The following LRRC4B variants were observed in gnomAD, a reference collection of about 807,000 sequenced individuals.
LRRC4B encodes leucine-rich repeat-containing protein 4B.
Under a neutral mutation model 7.3 loss-of-function variants are expected in LRRC4B, and 1 was observed. The observed-to-expected ratio is 0.14, with a 90% CI of 0.05 to 0.65. The LOEUF is 0.65. Ranked by LOEUF, LRRC4B falls within the 30% of genes least tolerant of loss-of-function variation. The probability of loss-of-function intolerance (pLI) is 0.84; values close to 1 mark genes in which losing one functional copy is unlikely to be tolerated. For missense variants in LRRC4B, 730 were observed against 1,041.6 expected, an observed-to-expected ratio of 0.70 and a Z score of 4.12; for synonymous variants, 500 against 499.2, an observed-to-expected ratio of 1.00 and a Z score of -0.02.
chr19:50,524,676 T>C (rs1030263668), intron 2 of LRRC4B, among the ~76,000 whole-genome samples: 3 of 152,226 alleles, frequency 2.0e-5, no homozygotes, highest in Non-Finnish European at 4.4e-5. Flanking sequence ...ATACTCTCAT[T>C]TGAACCTGTC....
At chr19:50,526,568 C>T (rs1471606340) in intron 2 of LRRC4B, among the ~76,000 whole-genome samples, 3 of 152,056 alleles carry the variant, frequency 2.0e-5, no homozygotes, top group African/African-American at 7.2e-5. Flanking sequence ...GAAGGATAGG[C>T]GCAGTGGCTT....
At position 50,548,689 on chromosome 19, in the gene LRRC4B, G is replaced by A; in HGVS notation, c.150C>T (p.Gly50=). The change falls in exon 2 of 3, where the codon GGC becomes GGT. Residue 50 remains glycine, a synonymous_variant. Coordinates refer to ENST00000652263, the MANE Select transcript of LRRC4B (RefSeq NM_001080457.2). This position sits in a 1 kb window ranked among gnomAD's most constrained non-coding sequence, Gnocchi z 6.8. The part of the protein sequence containing the change: ...GVAVTSAAGG[G]SPPATSCPVA... ...CGGGGCAGGAGGTGGCCGGCGGGGA[G>A]CCCCCTCCGGCGGCAGACGTCACGG... 1 of 1,547,742 alleles carries A rather than the reference G, an allele frequency of 6.5e-7. No homozygotes were observed. The highest frequency in any genetic ancestry group is 1.2e-5 in the South Asian group (1 of 84,606).
At chr19:50,549,660 G>A (rs1981970036) in intron 1 of LRRC4B, among the ~76,000 whole-genome samples, 1 of 152,230 alleles carries the variant, frequency 6.6e-6, no homozygotes, top group Non-Finnish European at 1.5e-5. Context: ...GTGAAGGGAG[G>A]GCTGGGAGGC....
intron 2 of LRRC4B, among the ~76,000 whole-genome samples, chr19:50,527,725 CCTCT>C (rs1456546603): frequency 6.7e-6 from 1 of 148,368 alleles, no homozygotes; most frequent in Non-Finnish European, 1.5e-5. Flanking sequence ...TCCCTCCCTC[CCTCT>C]TTCTCTCTTT....
intron 2 of LRRC4B, among the ~76,000 whole-genome samples, chr19:50,525,927 G>A (rs1274302025): frequency 1.3e-5 from 2 of 152,036 alleles, no homozygotes; most frequent in Non-Finnish European, 2.9e-5. Flanking sequence ...AGGCTGAGGC[G>A]GCAGAATCGT....
chr19:50,543,852 C>CAA (rs36044151), intron 2 of LRRC4B, among the ~76,000 whole-genome samples: 2,479 of 83,134 alleles, frequency 0.03, 90 homozygotes, highest in African/African-American at 0.096. Context: ...GCCTCCATCT[C>CAA]AAAAAAAAAA....
intron 2 of LRRC4B, among the ~76,000 whole-genome samples, chr19:50,530,236 C>T (rs192023733): frequency 1.6e-4 from 24 of 152,306 alleles, no homozygotes; most frequent in African/African-American, 4.8e-4. Context: ...GACCCTGCCT[C>T]TGCCCTCCTC....
chr19:50,546,743 CCCCCCACAAAGAGA>C (rs1981830780), intron 2 of LRRC4B, among the ~76,000 whole-genome samples: 8 of 152,144 alleles, frequency 5.3e-5, no homozygotes, highest in South Asian at 4.1e-4. Flanking sequence ...GCCCCCTCGC[CCCCCCACAAAGAGA>C]AACGGGTCCA....
intron 2 of LRRC4B, among the ~76,000 whole-genome samples, chr19:50,535,110 T>C (rs537811802): frequency 1.4e-4 from 22 of 152,258 alleles, no homozygotes; most frequent in Non-Finnish European, 2.5e-4. Flanking sequence ...CCTCATGATC[T>C]GCCCGCCTTG....
chr19:50,551,850 C>T (rs1051043238), intron 1 of LRRC4B, among the ~76,000 whole-genome samples: 7 of 151,694 alleles, frequency 4.6e-5, no homozygotes, highest in African/African-American at 1.7e-4. Context: ...AGCTGTGCCT[C>T]AGCTCCCTCC....
rs986834413 is a variant in LRRC4B, at chr19:50,518,076, G to A, written c.1637C>T (p.Ser546Leu). The change falls in exon 3 of 3, where the codon TCG becomes TTG. Residue 546 changes from serine to leucine, a missense_variant. Physicochemically the swap from Ser to Leu is moderately radical, Grantham distance 145 (BLOSUM62 -2). This residue lies in a region of LRRC4B where 192 missense variants were observed against 228.6 expected (regional missense o/e 0.84). Coordinates refer to ENST00000652263, the MANE Select transcript of LRRC4B (RefSeq NM_001080457.2). ...CGTGAACGCCTTCTCCGTGGGCCGC[G>A]AGGAGCGCGGGGCGGGTGCCGTGGT... ...SSTTAPAPRS[S>L]RPTEKAFTVP... 1.9e-6 allele frequency: 3 copies of A among 1,592,060 alleles called. No homozygotes were observed. Among genetic ancestry groups the A allele is most frequent in the Non-Finnish European group, 1.7e-6 (2 of 1,172,114 alleles).
chr19:50,538,441 G>A (rs1411224015), intron 2 of LRRC4B, among the ~76,000 whole-genome samples: 1 of 152,190 alleles, frequency 6.6e-6, no homozygotes, highest in East Asian at 1.9e-4. Context: ...CATGCCCCTG[G>A]AGGGATCAGC....
rs1243969845 is a variant in LRRC4B, at chr19:50,548,974, T to C, written c.-35-101A>G. On this transcript the variant is annotated intron_variant, in intron 1 of 2. Transcript: ENST00000652263. The surrounding 1 kb of genome is among the most constrained non-coding windows in gnomAD (Gnocchi z 6.8). ...CCAGGCAGCCCCATCGCCGCCTCCCTGCCCCATGCCCAGAACAAAGGGACA... is the reference window on the plus strand; with the variant it reads ...CCAGGCAGCCCCATCGCCGCCTCCCCGCCCCATGCCCAGAACAAAGGGACA... The C allele has an allele frequency of 6.3e-6, 4 of 631,302 alleles. No homozygotes were observed. Among genetic ancestry groups the C allele is most frequent in the Non-Finnish European group, 1.1e-5 (4 of 370,818 alleles). 39.1% of individuals were successfully genotyped at this position (631,302 alleles called of 1,614,324 possible). A position where few individuals can be genotyped will look rare whatever the true frequency, so the allele number is the denominator to read the frequency against.
At position 50,548,954 on chromosome 19, in the gene LRRC4B, C is replaced by T; in HGVS notation, c.-35-81G>A. The stretch of plus-strand genomic sequence containing the variant: ...GCCTGGGTGCTTGCCAACACCCAGG[C>T]AGCCCCATCGCCGCCTCCCTGCCCC... On this transcript the variant is annotated intron_variant, in intron 1 of 2. Transcript: ENST00000652263. This position sits in a 1 kb window ranked among gnomAD's most constrained non-coding sequence, Gnocchi z 6.8. The T allele has an allele frequency of 1.3e-6, 1 of 759,516 alleles. No homozygotes were observed. Among genetic ancestry groups the T allele is most frequent in the Non-Finnish European group, 2.1e-6 (1 of 485,960 alleles). 47.0% of individuals were successfully genotyped at this position (759,516 alleles called of 1,614,324 possible).
At chr19:50,531,414 GCGCTCAGCA>G (rs1239822953) in intron 2 of LRRC4B, among the ~76,000 whole-genome samples, 10 of 152,184 alleles carry the variant, frequency 6.6e-5, no homozygotes, top group African/African-American at 2.4e-4. Context: ...AGGCTGCTCG[GCGCTCAGCA>G]CGCAGTGACC....
At position 50,551,751 on chromosome 19, in the gene LRRC4B, C is replaced by T. The variant is rs1198061609; in HGVS notation, c.-35-2878G>A. Among the ~76,000 whole-genome samples, 5 of 151,298 alleles carry T rather than the reference C, an allele frequency of 3.3e-5. No homozygotes were observed. In the South Asian group the frequency reaches 6.3e-4, roughly 19 times the overall value. Reference sequence around the variant, plus strand: ...GTCTCAGTCAGGTTGTCTGTCTGTCCGTCTGTCTTGGTCCCTTTCTCCCCG... The same window carrying T: ...GTCTCAGTCAGGTTGTCTGTCTGTCTGTCTGTCTTGGTCCCTTTCTCCCCG... On this transcript the variant is annotated intron_variant, in intron 1 of 2. Transcript: ENST00000652263.
intron 2 of LRRC4B, among the ~76,000 whole-genome samples, chr19:50,529,455 A>C (rs574134123): frequency 1.3e-5 from 2 of 152,156 alleles, no homozygotes; most frequent in Non-Finnish European, 2.9e-5. Context: ...CAGGAGGAGG[A>C]GGTCCCGGTC....
At chr19:50,522,459 A>ATTATTTATTTATTTATTTAT (rs71332009) in intron 2 of LRRC4B, among the ~76,000 whole-genome samples, 35 of 147,180 alleles carry the variant, frequency 2.4e-4, no homozygotes, top group South Asian at 4.3e-4. Context: ...TATTTTATTT[A>ATTATTTATTTATTTATTTAT]TTATTTATTT....
chr19:50,552,590 G>GTCCATCCATCCA (rs71182735), intron 1 of LRRC4B, among the ~76,000 whole-genome samples: 2 of 110,378 alleles, frequency 1.8e-5, no homozygotes, highest in Non-Finnish European at 3.7e-5. Context: ...CCATCCATCT[G>GTCCATCCATCCA]TCCATCCATC....
Sources: gnomAD v4.1 joint callset for allele counts (sites outside exome capture counted in the v4.1 genomes callset) on GRCh38, gnomAD v4.1.1 for gene constraint, gnomAD v4.1.1 regional missense constraint, Gnocchi (gnomAD v3.1) non-coding constraint, MANE v1.5 for transcripts, NCBI Gene and HGNC (gene_info 2026-07-23, HGNC 2026-07-21) for gene names.